NEK10: variants seen among roughly 807,000 people sequenced by gnomAD.
The protein encoded by NEK10 is NIMA related kinase 10.
A neutral mutation model predicts 159.8 loss-of-function variants in NEK10; 122 were observed. The ratio of observed to expected loss-of-function variants is 0.76; its 90% CI spans 0.66 to 0.89. NEK10 has a LOEUF of 0.89. NEK10 is among the 40% of genes least tolerant of loss of function. The pLI is 0.00. For missense variants in NEK10, 1,342 were observed against 1,323.1 expected (o/e 1.01, Z -0.22); for synonymous variants, 466 against 457.1 (o/e 1.02, Z -0.25).
At chr3:27,301,994 G>A (rs1458244601) in intron 12 of NEK10, among the ~76,000 whole-genome samples, 159 bp from the exon 13 acceptor site, 1 of 152,176 alleles carries the variant, frequency 6.6e-6, no homozygotes, top group Non-Finnish European at 1.5e-5. Context: ...TGTGTATGGT[G>A]TGTGGTAAGA....
chr3:27,246,136 C>T (rs542902411), intron 23 of NEK10, among the ~76,000 whole-genome samples: 6 of 152,184 alleles, frequency 3.9e-5, no homozygotes, highest in African/African-American at 1.4e-4. Context: ...TTCTTTCTTG[C>T]GTTTTGTGAT....
At chr3:27,316,706 A>T (rs1158421115) in intron 6 of NEK10, among the ~76,000 whole-genome samples, 3 of 152,156 alleles carry the variant, frequency 2.0e-5, no homozygotes, top group Middle Eastern at 3.2e-3. Context: ...GACTAACTCA[A>T]TGTTTCCTAA....
intron 10 of NEK10, 83 bp from the exon 11 acceptor site, chr3:27,308,028 G>T: frequency 1.4e-6 from 1 of 712,770 alleles, no homozygotes; most frequent in African/African-American, 1.8e-5. Flanking sequence ...CTGGTATAAA[G>T]AACTGCCTGA....
intron 5 of NEK10, among the ~76,000 whole-genome samples, chr3:27,332,970 C>T (rs2046533008): frequency 6.6e-6 from 1 of 152,172 alleles, no homozygotes; most frequent in African/African-American, 2.4e-5. Context: ...TTCAAGAGAG[C>T]TGACTAGGGG....
At chr3:27,210,404 C>G (rs1362409250) in intron 23 of NEK10, among the ~76,000 whole-genome samples, 1 of 152,160 alleles carries the variant, frequency 6.6e-6, no homozygotes, top group Non-Finnish European at 1.5e-5. Context: ...ATCATAAGGG[C>G]TCTTCTCTCA....
chr3:27,368,026 C>T (rs2049225393), intron 1 of NEK10, among the ~76,000 whole-genome samples: 2 of 152,178 alleles, frequency 1.3e-5, no homozygotes, highest in African/African-American at 2.4e-5. Flanking sequence ...GGCACGGTGG[C>T]TCACGCCTGT....
chr3:27,178,348 G>A (rs1259669823), intron 26 of NEK10, among the ~76,000 whole-genome samples: 1 of 152,078 alleles, frequency 6.6e-6, no homozygotes, highest in Non-Finnish European at 1.5e-5. Context: ...AGTTTTAGGA[G>A]AGAAAGAAAA....
intron 5 of NEK10, among the ~76,000 whole-genome samples, chr3:27,335,979 A>G (rs1396514511): frequency 6.6e-6 from 1 of 152,152 alleles, no homozygotes; most frequent in Non-Finnish European, 1.5e-5. Flanking sequence ...ACCAAACCCC[A>G]AATTAGCAGA....
chr3:27,163,926 G>A (rs925930796), intron 29 of NEK10, among the ~76,000 whole-genome samples: 1 of 152,040 alleles, frequency 6.6e-6, no homozygotes. Flanking sequence ...GTTATTAAGC[G>A]TAACAAAATT....
At chr3:27,325,609 A>G (rs1575754584) in intron 5 of NEK10, among the ~76,000 whole-genome samples, 1 of 152,066 alleles carries the variant, frequency 6.6e-6, no homozygotes, top group South Asian at 2.1e-4. Context: ...AGTGACTGCC[A>G]CTAGAGGTGC....
At chr3:27,286,024 G>T (rs2042565363) in intron 20 of NEK10, among the ~76,000 whole-genome samples, 2 of 142,174 alleles carry the variant, frequency 1.4e-5, no homozygotes, top group African/African-American at 2.6e-5. Context: ...CCTCTTTATT[G>T]CAATTTCCTA....
chr3:27,336,717 C>A (rs1353238006), intron 5 of NEK10, among the ~76,000 whole-genome samples: 1 of 152,114 alleles, frequency 6.6e-6, no homozygotes, highest in African/African-American at 2.4e-5. Flanking sequence ...AAATGTTATA[C>A]ATCACATCAA....
At chr3:27,197,789 T>C (rs1210608214) in intron 25 of NEK10, among the ~76,000 whole-genome samples, 1 of 125,218 alleles carries the variant, frequency 8.0e-6, no homozygotes, top group African/African-American at 3.7e-5. Context: ...TGACCAGTAC[T>C]TTCTTTCTTT....
At chr3:27,201,425 C>T (rs1950029706) in intron 25 of NEK10, 85 bp downstream of exon 25, 4 of 1,160,904 alleles carry the variant, frequency 3.4e-6, no homozygotes, top group South Asian at 1.4e-5. Context: ...CTCTTCATGA[C>T]CTTTTATCCA....
At position 27,197,548 on chromosome 3, in the gene NEK10, G is replaced by A. The variant is rs142382573; in HGVS notation, c.2291+3962C>T. On this transcript the variant is annotated intron_variant, in intron 25 of 35. Transcript: ENST00000691995. ...GGTAGGCCTGTCTTCAGAGCCTGAG[G>A]CCTTAAGACTGTAGATTTCGGCTTC... is the stretch of plus-strand genomic sequence containing the variant. 2.9e-3 allele frequency among the ~76,000 whole-genome samples: 444 copies of A among 152,242 alleles called. 4 individuals carry two copies. Among genetic ancestry groups the A allele is most frequent in the African/African-American group, 9.1e-3 (376 of 41,540 alleles).
intron 5 of NEK10, among the ~76,000 whole-genome samples, chr3:27,323,218 G>C (rs1478382746): frequency 6.6e-6 from 1 of 152,160 alleles, no homozygotes; most frequent in African/African-American, 2.4e-5. Flanking sequence ...GAACAGTGGG[G>C]CTCTGGAATG....
chr3:27,170,907 C>T (rs898892778), intron 29 of NEK10, among the ~76,000 whole-genome samples: 1 of 152,122 alleles, frequency 6.6e-6, no homozygotes, highest in Non-Finnish European at 1.5e-5. Flanking sequence ...TGTATACTGT[C>T]AGTTATCTCT....
At chr3:27,253,227 T>C (rs1955842971) in intron 23 of NEK10, among the ~76,000 whole-genome samples, 5 of 152,182 alleles carry the variant, frequency 3.3e-5, no homozygotes, top group Admixed American at 3.3e-4. Context: ...TCCATTTTTA[T>C]TGGAAAACTT....
intron 22 of NEK10, among the ~76,000 whole-genome samples, chr3:27,259,320 T>C (rs1193799045): frequency 1.3e-5 from 2 of 152,242 alleles, no homozygotes; most frequent in Admixed American, 6.5e-5. Context: ...TGGTATTGCC[T>C]AGGTATTCTT....
Sources: gnomAD v4.1 joint callset for allele counts (sites outside exome capture counted in the v4.1 genomes callset) on GRCh38, gnomAD v4.1.1 for gene constraint, MANE v1.5 for transcripts, NCBI Gene and HGNC (gene_info 2026-07-23, HGNC 2026-07-21) for gene names.